The following ZSCAN5A variants were observed in gnomAD, a reference collection of about 807,000 sequenced individuals.
ZSCAN5A encodes the protein zinc finger and SCAN domain containing 5A, also known as zinc finger and SCAN domain-containing protein 5A.
A neutral mutation model predicts 23.7 loss-of-function variants in ZSCAN5A; 12 were observed. The ratio of observed to expected loss-of-function variants is 0.51; its 90% confidence interval spans 0.32 to 0.82. The LOEUF is 0.82. Among genes scored for constraint, ZSCAN5A ranks in the 40% least tolerant of loss-of-function variants. The pLI, the probability that ZSCAN5A is intolerant of heterozygous loss-of-function variation, is 0.03. For missense variants in ZSCAN5A, 597 were observed against 617.9 expected, an observed-to-expected ratio of 0.97 and a Z score of 0.36; for synonymous variants, 257 against 239.9, an observed-to-expected ratio of 1.07 and a Z score of -0.66.
intron 2 of ZSCAN5A, among the ~76,000 whole-genome samples, chr19:56,265,820 C>T (rs1468122365): frequency 6.6e-6 from 1 of 152,092 alleles, no homozygotes; most frequent in Non-Finnish European, 1.5e-5. Context: ...GTCTGATTAG[C>T]CTGGCTTAGG....
At chr19:56,329,310 C>CCAT (rs1340560181) in intron 2 of ZSCAN5A, among the ~76,000 whole-genome samples, 24 of 152,074 alleles carry the variant, frequency 1.6e-4, no homozygotes, top group African/African-American at 5.8e-4. Context: ...GATCGTGTCA[C>CCAT]TGTACTCCAG....
At chr19:56,261,034 C>A (rs537021624) in intron 2 of ZSCAN5A, among the ~76,000 whole-genome samples, 3 of 151,930 alleles carry the variant, frequency 2.0e-5, no homozygotes, top group Admixed American at 1.3e-4. Flanking sequence ...ATGGTGAAAC[C>A]CCATCTCTAC....
chr19:56,228,168 C>T (rs2034131605), intron 2 of ZSCAN5A: 3 of 972,178 alleles, frequency 3.1e-6, no homozygotes, highest in South Asian at 4.8e-5. Flanking sequence ...AGAAAACGCA[C>T]GAAAAAATAA....
chr19:56,231,415 C>T (rs2034452696), intron 2 of ZSCAN5A, among the ~76,000 whole-genome samples: 2 of 151,994 alleles, frequency 1.3e-5, no homozygotes, highest in Non-Finnish European at 2.9e-5. Flanking sequence ...GAAAATAATG[C>T]CTTCTCTAAG....
intron 2 of ZSCAN5A, chr19:56,247,112 A>G: frequency 1.4e-6 from 1 of 694,800 alleles, no homozygotes; most frequent in Non-Finnish European, 2.6e-6. Flanking sequence ...CTAGCCATCC[A>G]CATGAGATCA....
chr19:56,311,498 C>T (rs769720523), intron 2 of ZSCAN5A, among the ~76,000 whole-genome samples: 6 of 152,102 alleles, frequency 3.9e-5, no homozygotes, highest in Non-Finnish European at 7.4e-5. Context: ...AGAATGAAGG[C>T]ATATTAGAAA....
chr19:56,260,944 A>ATGTC (rs938102190), intron 2 of ZSCAN5A, among the ~76,000 whole-genome samples: 1 of 152,190 alleles, frequency 6.6e-6, no homozygotes, highest in Non-Finnish European at 1.5e-5. Flanking sequence ...GTGGTGGCTC[A>ATGTC]TGTCTGTAAT....
At chr19:56,269,052 T>C (rs4494653) in intron 2 of ZSCAN5A, among the ~76,000 whole-genome samples, 18,414 of 152,216 alleles carry the variant, frequency 0.12, 2,430 homozygotes, top group African/African-American at 0.33. Flanking sequence ...ATCATTTCCA[T>C]ATTTTGACTC....
At chr19:56,282,581 T>TA in intron 2 of ZSCAN5A, 1 of 867,140 alleles carries the variant, frequency 1.2e-6, no homozygotes, top group Non-Finnish European at 1.4e-6. Flanking sequence ...AACTTCGACT[T>TA]ACGTTTCTTC....
chr19:56,281,724 A>G, intron 2 of ZSCAN5A: 2 of 984,628 alleles, frequency 2.0e-6, no homozygotes, highest in South Asian at 4.7e-5. Flanking sequence ...TTCTCCCTAC[A>G]TAAATGGGGA....
intron 2 of ZSCAN5A, among the ~76,000 whole-genome samples, chr19:56,309,052 C>T (rs2040872565): frequency 6.6e-6 from 1 of 152,178 alleles, no homozygotes; most frequent in African/African-American, 2.4e-5. Context: ...TGTGACTGTA[C>T]CCAACAACTG....
intron 2 of ZSCAN5A, among the ~76,000 whole-genome samples, chr19:56,232,504 A>T (rs912695882): frequency 6.6e-6 from 1 of 152,008 alleles, no homozygotes; most frequent in Non-Finnish European, 1.5e-5. Flanking sequence ...GACCATGAAA[A>T]AAAAAGAGGA....
rs1168485188 is a variant in ZSCAN5A, at chr19:56,302,182, G to A, written c.-128+11101C>T. On this transcript the variant is annotated intron_variant, in intron 2 of 5. Transcript: ENST00000683990. Reference sequence around the variant, plus strand: ...GGGGGCACAGAGGAAGCGAAGGAGGGTGCCTCAGAGGTGCCAAGCAGGAAG... The same window carrying A: ...GGGGGCACAGAGGAAGCGAAGGAGGATGCCTCAGAGGTGCCAAGCAGGAAG... 1.2e-5 allele frequency: 12 copies of A among 1,025,884 alleles called. No homozygotes were observed. In the Admixed American group the frequency reaches 1.3e-4, roughly 11 times the overall value. 63.5% of individuals were successfully genotyped at this position (1,025,884 alleles called of 1,614,324 possible). A position where few individuals can be genotyped will look rare whatever the true frequency, so the allele number is the denominator to read the frequency against.
At chr19:56,327,780 T>C (rs1373138903) in intron 2 of ZSCAN5A, among the ~76,000 whole-genome samples, 2 of 151,860 alleles carry the variant, frequency 1.3e-5, no homozygotes, top group African/African-American at 4.8e-5. Context: ...TACATGTGTA[T>C]TTACATACAC....
intron 2 of ZSCAN5A, chr19:56,342,909 C>T: frequency 1.9e-6 from 2 of 1,035,840 alleles, no homozygotes; most frequent in Non-Finnish European, 1.5e-6. Context: ...TCCTGAGGCA[C>T]CTCAGAGCTC....
At chr19:56,274,319 T>A (rs10775567) in intron 2 of ZSCAN5A, among the ~76,000 whole-genome samples, 3 of 151,446 alleles carry the variant, frequency 2.0e-5, no homozygotes, top group African/African-American at 7.3e-5. Flanking sequence ...CCAGGCATGG[T>A]AGTAGGGGCC....
chr19:56,271,096 A>C (rs1258564410), intron 2 of ZSCAN5A, among the ~76,000 whole-genome samples: 1 of 152,246 alleles, frequency 6.6e-6, no homozygotes, highest in African/African-American at 2.4e-5. Flanking sequence ...AAAGCAAAGA[A>C]ACAGCTGTGC....
intron 2 of ZSCAN5A, among the ~76,000 whole-genome samples, chr19:56,340,134 T>C (rs911423711): frequency 6.6e-6 from 1 of 152,110 alleles, no homozygotes; most frequent in Non-Finnish European, 1.5e-5. Context: ...CTATGGAGAC[T>C]CATGCAACCT....
At chr19:56,360,860 G>GC (rs1555814827) in intron 2 of ZSCAN5A, among the ~76,000 whole-genome samples, 1 of 152,150 alleles carries the variant, frequency 6.6e-6, no homozygotes, top group Non-Finnish European at 1.5e-5. Flanking sequence ...AAACCAAAGA[G>GC]CTTCTGCACA....
Sources: gnomAD v4.1 joint callset for allele counts (sites outside exome capture counted in the v4.1 genomes callset) on GRCh38, gnomAD v4.1.1 for gene constraint, MANE v1.5 for transcripts, NCBI Gene and HGNC (gene_info 2026-07-23, HGNC 2026-07-21) for gene names.